Variants in CNTNAP2 observed in about 807,000 individuals in gnomAD.
CNTNAP2 encodes the protein contactin associated protein 2.
CNTNAP2 carries 98 observed loss-of-function variants against 155.2 expected under a neutral mutation model. That is an observed-to-expected ratio of 0.63 (90% confidence interval 0.54 to 0.75). CNTNAP2 has a LOEUF of 0.75. Ranked by LOEUF, CNTNAP2 falls within the 30% of genes least tolerant of loss-of-function variation. The pLI is 0.00. For synonymous variants in CNTNAP2, 651 were observed against 631.2 expected, an observed-to-expected ratio of 1.03 and a Z score of -0.47; for missense variants, 1,727 against 1,688.1, an observed-to-expected ratio of 1.02 and a Z score of -0.40.
chr7:146,633,747 G>A (rs558844555), intron 1 of CNTNAP2, among the ~76,000 whole-genome samples: 78 of 148,698 alleles, frequency 5.2e-4, no homozygotes, highest in African/African-American at 1.8e-3. Flanking sequence ...GGAGAATGGC[G>A]TGAACCCGGG....
At chr7:146,358,832 G>A (rs532068677) in intron 1 of CNTNAP2, among the ~76,000 whole-genome samples, 3 of 152,216 alleles carry the variant, frequency 2.0e-5, no homozygotes, top group South Asian at 4.1e-4. Flanking sequence ...AAGAAAGCCA[G>A]TAGTTTATCC....
At chr7:146,906,214 G>A (rs886409826) in intron 3 of CNTNAP2, among the ~76,000 whole-genome samples, 16 of 151,844 alleles carry the variant, frequency 1.1e-4, no homozygotes, top group Non-Finnish European at 1.9e-4. Context: ...AGGCGGCAGC[G>A]AGGCTGGGGG....
At chr7:146,430,990 C>G (rs1250228282) in intron 1 of CNTNAP2, among the ~76,000 whole-genome samples, 1 of 151,940 alleles carries the variant, frequency 6.6e-6, no homozygotes, top group Admixed American at 6.6e-5. Context: ...CATAAGGCTC[C>G]TATATCTGTT....
chr7:147,144,410 G>T (rs1584753604), intron 8 of CNTNAP2, among the ~76,000 whole-genome samples: 1 of 152,192 alleles, frequency 6.6e-6, no homozygotes, highest in Non-Finnish European at 1.5e-5. Flanking sequence ...AGCACACTTT[G>T]TTCAGCTATG....
intron 9 of CNTNAP2, among the ~76,000 whole-genome samples, chr7:147,372,919 A>G (rs775522872): frequency 5.7e-4 from 86 of 151,834 alleles, no homozygotes; most frequent in Non-Finnish European, 9.4e-4. Flanking sequence ...CCATATCCTC[A>G]CTTCCTCTCT....
At chr7:146,838,353 T>G (rs1803656274) in intron 2 of CNTNAP2, among the ~76,000 whole-genome samples, 1 of 152,218 alleles carries the variant, frequency 6.6e-6, no homozygotes, top group Non-Finnish European at 1.5e-5. Context: ...AGTCCCACTC[T>G]GTCACTCAAA....
intron 3 of CNTNAP2, among the ~76,000 whole-genome samples, chr7:146,936,885 C>T (rs6949681): frequency 0.27 from 41,760 of 151,920 alleles, 5,976 homozygotes; most frequent in East Asian, 0.47. Context: ...CTCTGTGAAC[C>T]TGCTGTGATT....
intron 8 of CNTNAP2, among the ~76,000 whole-genome samples, chr7:147,135,459 G>A (rs71530770): frequency 0.082 from 12,482 of 151,804 alleles, 630 homozygotes; most frequent in Middle Eastern, 0.12. Flanking sequence ...TTTTAGGACA[G>A]AAGTTACTGA....
At chr7:146,351,903 T>G (rs1794919721) in intron 1 of CNTNAP2, among the ~76,000 whole-genome samples, 1 of 152,212 alleles carries the variant, frequency 6.6e-6, no homozygotes, top group Non-Finnish European at 1.5e-5. Flanking sequence ...CAGTCTCTAT[T>G]GCTCTCTTGA....
At chr7:146,993,784 C>T (rs1490895752) in intron 3 of CNTNAP2, among the ~76,000 whole-genome samples, 1 of 152,134 alleles carries the variant, frequency 6.6e-6, no homozygotes, top group Middle Eastern at 3.4e-3. Flanking sequence ...TAAAAATAGT[C>T]GTGCTACATA....
intron 1 of CNTNAP2, among the ~76,000 whole-genome samples, chr7:146,199,366 A>T (rs931736440): frequency 6.6e-5 from 10 of 152,326 alleles, no homozygotes; most frequent in Non-Finnish European, 1.3e-4. Flanking sequence ...CAACAGGCTG[A>T]GTCATAGGAA....
At chr7:147,103,741 A>G (rs888043548) in intron 4 of CNTNAP2, among the ~76,000 whole-genome samples, 1 of 151,794 alleles carries the variant, frequency 6.6e-6, no homozygotes, top group African/African-American at 2.4e-5. Flanking sequence ...GAATTATTAT[A>G]TAATTGAAAA....
At chr7:146,393,948 A>G (rs1639477) in intron 1 of CNTNAP2, among the ~76,000 whole-genome samples, 76,652 of 151,898 alleles carry the variant, frequency 0.5, 21,319 homozygotes, top group African/African-American at 0.74. Flanking sequence ...GTTGACTAAG[A>G]AGCAAAAATA....
intron 12 of CNTNAP2, among the ~76,000 whole-genome samples, chr7:147,583,802 CAG>C (rs1015235452): frequency 6.6e-6 from 1 of 152,038 alleles, no homozygotes; most frequent in African/African-American, 2.4e-5. Context: ...CATTGATTCT[CAG>C]ATCCATATGA....
intron 13 of CNTNAP2, among the ~76,000 whole-genome samples, chr7:147,817,951 G>A (rs1798301480): frequency 6.6e-6 from 1 of 151,500 alleles, no homozygotes; most frequent in Non-Finnish European, 1.5e-5. Context: ...AGCAGATGTG[G>A]CTTATTTTTG....
chr7:148,054,186 A>T (rs1313029822), intron 15 of CNTNAP2, among the ~76,000 whole-genome samples: 1 of 151,890 alleles, frequency 6.6e-6, no homozygotes, highest in Non-Finnish European at 1.5e-5. Context: ...GTTAGCCAGG[A>T]TGTTCTTGAT....
intron 1 of CNTNAP2, among the ~76,000 whole-genome samples, chr7:146,137,634 C>G (rs1797816839): frequency 6.6e-6 from 1 of 151,964 alleles, no homozygotes; most frequent in Admixed American, 6.6e-5. Flanking sequence ...TGCATAAAAA[C>G]ACTCATGGAA....
intron 1 of CNTNAP2, among the ~76,000 whole-genome samples, chr7:146,528,218 T>C (rs888123113): frequency 1.3e-5 from 2 of 152,136 alleles, no homozygotes; most frequent in Non-Finnish European, 2.9e-5. Context: ...TAATTACTTA[T>C]AAATGGGACA....
intron 9 of CNTNAP2, among the ~76,000 whole-genome samples, chr7:147,349,340 G>C (rs1376127462): frequency 6.6e-6 from 1 of 151,526 alleles, no homozygotes; most frequent in Non-Finnish European, 1.5e-5. Flanking sequence ...AAATATGAAG[G>C]GACCTGAATT....
Sources: gnomAD v4.1 joint callset for allele counts (sites outside exome capture counted in the v4.1 genomes callset) on GRCh38, gnomAD v4.1.1 for gene constraint, MANE v1.5 for transcripts, NCBI Gene and HGNC (gene_info 2026-07-23, HGNC 2026-07-21) for gene names.